The following LOXHD1 variants were observed in gnomAD, a reference collection of about 807,000 sequenced individuals.
LOXHD1 encodes lipoxygenase homology domain-containing protein 1.
A neutral mutation model predicts 248.2 loss-of-function variants in LOXHD1; 205 were observed. The ratio of observed to expected loss-of-function variants is 0.83; its 90% CI spans 0.74 to 0.93. The LOEUF (loss-of-function observed/expected upper bound fraction) is 0.93, where lower values mean the gene tolerates loss of function less well. Among genes scored for constraint, LOXHD1 ranks in the 40% least tolerant of loss-of-function variants. The pLI is 0.00. For synonymous variants in LOXHD1, 1,113 were observed against 1,162.8 expected, an observed-to-expected ratio of 0.96 and a Z score of 0.87; for missense variants, 2,930 against 2,971.6, an observed-to-expected ratio of 0.99 and a Z score of 0.33.
intron 5 of LOXHD1, among the ~76,000 whole-genome samples, chr18:46,614,702 A>G (rs2038559447): frequency 6.7e-6 from 1 of 148,588 alleles, no homozygotes; most frequent in African/African-American, 2.4e-5. Flanking sequence ...CATGTACCCT[A>G]GTACTTAAAG....
rs1230156672 is a variant in LOXHD1, at chr18:46,569,449, A to G, written c.2237T>C (p.Ile746Thr). The G allele has an allele frequency of 6.8e-5, 105 of 1,551,618 alleles. No individual in the cohort carries two copies. Among genetic ancestry groups the G allele is most frequent in the Non-Finnish European group, 8.7e-5 (100 of 1,146,632 alleles). ...CTTGGGAAGGAGACTTACATTTCCA[A>G]TGTTCAGGGTCTCGAGGGTGAACTC... ...VDEFTLETLN[I>T]GNINRLVIGH... Residue 746 changes from isoleucine (I) to threonine (T), a missense_variant, in exon 16 of 41, where the codon ATT becomes ACT. By Grantham distance (89) the Ile-to-Thr change is moderately conservative. Transcript: ENST00000642948.
At chr18:46,482,412 G>T (rs111512183) in intron 40 of LOXHD1, among the ~76,000 whole-genome samples, 1 of 152,194 alleles carries the variant, frequency 6.6e-6, no homozygotes, top group Admixed American at 6.5e-5. Context: ...AGGACACAGA[G>T]AGAAGGCGGC....
chr18:46,594,588 C>T lies in LOXHD1; in HGVS notation c.1135-122G>A, dbSNP rs190925541. The T allele has an allele frequency of 1.3e-3, 1,550 of 1,206,316 alleles. 3 individuals are homozygous for T. The highest frequency in any genetic ancestry group is 1.7e-3 in the Non-Finnish European group (1,496 of 869,142). The allele number at this position is 1,206,316 out of a possible 1,614,324, so 74.7% of individuals were successfully genotyped here. On this transcript the variant is annotated intron_variant, in intron 8 of 40. Coordinates refer to ENST00000642948, the MANE Select transcript of LOXHD1 (RefSeq NM_001384474.1). ...CTGTATTAGGACTCTCAAGGAATGG[C>T]ACCTTTTCTGTTGCCTATCTCATTA...
At chr18:46,511,733 T>C (rs1598884551) in intron 34 of LOXHD1, among the ~76,000 whole-genome samples, 2 of 152,048 alleles carry the variant, frequency 1.3e-5, no homozygotes, top group South Asian at 4.2e-4. Flanking sequence ...TGGTGTGGGG[T>C]CTAAAGCCCA....
At chr18:46,645,326 T>G (rs1599073336) in intron 2 of LOXHD1, among the ~76,000 whole-genome samples, 1 of 152,132 alleles carries the variant, frequency 6.6e-6, no homozygotes. Flanking sequence ...GCTAAGGCAG[T>G]GCACAGCCCC....
intron 25 of LOXHD1, among the ~76,000 whole-genome samples, chr18:46,538,682 T>C (rs1352855042): frequency 6.6e-6 from 1 of 152,208 alleles, no homozygotes; most frequent in Non-Finnish European, 1.5e-5. Flanking sequence ...ATTGGTGTAA[T>C]CTGGGCAAGT....
intron 38 of LOXHD1, among the ~76,000 whole-genome samples, chr18:46,487,422 G>A (rs1049494783): frequency 3.3e-5 from 5 of 152,210 alleles, no homozygotes; most frequent in Admixed American, 2.6e-4. Flanking sequence ...GTTTAGTCTC[G>A]AGACAAGAAC....
intron 12 of LOXHD1, among the ~76,000 whole-genome samples, chr18:46,588,393 T>C (rs1028477665): frequency 6.6e-6 from 1 of 152,144 alleles, no homozygotes; most frequent in East Asian, 1.9e-4. Context: ...TTTTTCTCCT[T>C]GAAATGATTT....
chr18:46,624,894 C>A (rs11082546), intron 4 of LOXHD1, among the ~76,000 whole-genome samples: 18,450 of 152,154 alleles, frequency 0.12, 1,286 homozygotes, highest in East Asian at 0.33. Flanking sequence ...CTCCACCTTG[C>A]TCTCCTTGCA....
At chr18:46,520,732 G>A (rs1344474579) in intron 33 of LOXHD1, 1 of 249,016 alleles carries the variant, frequency 4.0e-6, no homozygotes, top group African/African-American at 2.3e-5. Flanking sequence ...CAATGACCCT[G>A]CCTGTCTACA....
chr18:46,503,460 T>G (rs1002251136), intron 37 of LOXHD1, among the ~76,000 whole-genome samples: 10 of 152,110 alleles, frequency 6.6e-5, no homozygotes, highest in African/African-American at 2.2e-4. Context: ...CACTGTTGAG[T>G]GTCATGGGAA....
At chr18:46,513,298 T>C (rs1201572987) in intron 34 of LOXHD1, among the ~76,000 whole-genome samples, 1 of 152,274 alleles carries the variant, frequency 6.6e-6, no homozygotes, top group East Asian at 1.9e-4. Context: ...CTGTGGATTG[T>C]AGCCCCTGTG....
Position 46,541,839 on chromosome 18 carries a change from CT to C in LOXHD1, c.3849del (p.Asp1284ThrfsTer81). On this transcript the variant is annotated frameshift_variant, in exon 25 of 41. Coordinates refer to ENST00000642948, the MANE Select transcript of LOXHD1 (RefSeq NM_001384474.1). LOFTEE classifies it high-confidence loss of function. ...FPCGRWLAKN[E>X]DDGSIIRDLF... ...AGGTCTCTGATGATGGACCCGTCGT[CT>C]TCGTTTTTGGCCAGCCAGCGGCCAC... 6.4e-7 allele frequency: 1 copy of C among 1,551,728 alleles called. No individual in the cohort carries two copies. The highest frequency in any genetic ancestry group is 1.2e-5 in the South Asian group (1 of 84,064).
At position 46,560,066 on chromosome 18, in the gene LOXHD1, C is replaced by T; in HGVS notation, c.3061+17G>A. On this transcript the variant is annotated intron_variant, in intron 19 of 40. Coordinates refer to ENST00000642948, the MANE Select transcript of LOXHD1 (RefSeq NM_001384474.1). ...TGGCCACTCCCTCCCCACCCCCACC[C>T]CCCACGACCCACTTACGCTCAGGAC... The T allele has an allele frequency of 1.3e-6, 2 of 1,518,634 alleles. No homozygotes were observed. The highest frequency in any genetic ancestry group is 1.2e-5 in the South Asian group (1 of 82,826). The allele number at this position is 1,518,634 out of a possible 1,614,324, so 94.1% of individuals were successfully genotyped here. A position where few individuals can be genotyped will look rare whatever the true frequency, so the allele number is the denominator to read the frequency against.
chr18:46,590,421 TCG>T (rs1354424915), intron 12 of LOXHD1, among the ~76,000 whole-genome samples: 1 of 152,098 alleles, frequency 6.6e-6, no homozygotes, highest in Non-Finnish European at 1.5e-5. Context: ...GAATCTAAAA[TCG>T]TGAGAGTTAG....
chr18:46,560,557 G>T lies in LOXHD1; in HGVS notation c.2599-12C>A. ...TCGGCCGCCTCAAGCTGTTCAAAGG[G>T]CAGGGCAGCGGCTGTCGTGGCCCCA... On this transcript the variant is annotated splice_polypyrimidine_tract_variant and intron_variant, in intron 18 of 40. Transcript: ENST00000642948. 3.3e-6 allele frequency: 5 copies of T among 1,516,004 alleles called. No homozygotes were observed. The highest frequency in any genetic ancestry group is 4.4e-6 in the Non-Finnish European group (5 of 1,134,288). 93.9% of individuals were successfully genotyped at this position (1,516,004 alleles called of 1,614,324 possible). A position where few individuals can be genotyped will look rare whatever the true frequency, so the allele number is the denominator to read the frequency against.
intron 2 of LOXHD1, among the ~76,000 whole-genome samples, chr18:46,644,903 C>G (rs1228417202): frequency 2.0e-5 from 3 of 152,124 alleles, no homozygotes; most frequent in Non-Finnish European, 2.9e-5. Flanking sequence ...GAAGATCCAC[C>G]AGGATGGACA....
chr18:46,506,067 A>T, intron 36 of LOXHD1, 44 bp from the exon 37 acceptor site: 1 of 1,544,500 alleles, frequency 6.5e-7, no homozygotes, highest in Middle Eastern at 1.7e-4. Context: ...AGCCTCTTTG[A>T]CACACAGTCC....
chr18:46,656,255 GA>G (rs1320422760), intron 1 of LOXHD1, among the ~76,000 whole-genome samples: 5 of 152,138 alleles, frequency 3.3e-5, no homozygotes, highest in Admixed American at 2.0e-4. Flanking sequence ...CGCTGGAAAG[GA>G]AAAAAACAAC....
Sources: gnomAD v4.1 joint callset for allele counts (sites outside exome capture counted in the v4.1 genomes callset) on GRCh38, gnomAD v4.1.1 for gene constraint, MANE v1.5 for transcripts, NCBI Gene and HGNC (gene_info 2026-07-23, HGNC 2026-07-21) for gene names.